KIF1B: variants seen among roughly 807,000 people sequenced by gnomAD.
KIF1B encodes the protein kinesin family member 1B.
In KIF1B, 76 loss-of-function variants were observed where a neutral mutation model predicts 241.9. The ratio of observed to expected loss-of-function variants is 0.31; its 90% confidence interval spans 0.26 to 0.38. The LOEUF (loss-of-function observed/expected upper bound fraction) is 0.38, where lower values mean the gene tolerates loss of function less well. Among genes scored for constraint, KIF1B ranks in the 10% least tolerant of loss-of-function variants. The pLI is 1.00. For synonymous variants in KIF1B, 750 were observed against 796.7 expected (o/e 0.94, Z 0.99); for missense variants, 1,622 against 2,271.4 (o/e 0.71, Z 5.81).
rs559475468 is a variant in KIF1B at position 10,368,794 on chromosome 1, A to G, written c.4824+256A>G. ...AGATGGGAAACATTTTGGCTTTTTCATGACTCCTTTGGAGGAGAATATTCT... is the reference window on the plus strand; with the variant it reads ...AGATGGGAAACATTTTGGCTTTTTCGTGACTCCTTTGGAGGAGAATATTCT... On this transcript the variant is annotated intron_variant, in intron 44 of 48. Coordinates refer to ENST00000676179, the MANE Select transcript of KIF1B (RefSeq NM_001365951.3). Among the ~76,000 whole-genome samples the G allele has an allele frequency of 3.3e-5, 5 of 152,312 alleles. No individual in the cohort carries two copies. In the East Asian group the frequency reaches 5.8e-4, roughly 18 times the overall value.
At chr1:10,323,096 A>G (rs1324738965) in intron 24 of KIF1B, among the ~76,000 whole-genome samples, 1 of 152,066 alleles carries the variant, frequency 6.6e-6, no homozygotes, top group Admixed American at 6.6e-5. Context: ...TCCTGGGCTC[A>G]AGTGATCCTT....
At chr1:10,295,830 A>G in intron 19 of KIF1B, 64 bp downstream of exon 19, 3 of 1,355,052 alleles carry the variant, frequency 2.2e-6, no homozygotes, top group Non-Finnish European at 3.2e-6. Flanking sequence ...GAAATCCTTA[A>G]GACTTTGTAT....
chr1:10,283,419 G>C (rs757534428), intron 15 of KIF1B, among the ~76,000 whole-genome samples: 2 of 152,172 alleles, frequency 1.3e-5, no homozygotes, highest in Non-Finnish European at 2.9e-5. Flanking sequence ...ACTGGCCTAT[G>C]GCTCCCAGCT....
chr1:10,234,616 G>T (rs1442095078), intron 2 of KIF1B, among the ~76,000 whole-genome samples: 1 of 151,734 alleles, frequency 6.6e-6, no homozygotes, highest in African/African-American at 2.4e-5. Context: ...TGACCTTCCA[G>T]GCTCAATCAA....
chr1:10,291,942 A>G lies in KIF1B; in HGVS notation c.1515-105A>G, dbSNP rs1487302825. On this transcript the variant is annotated intron_variant, in intron 16 of 48. Coordinates refer to ENST00000676179, the MANE Select transcript of KIF1B (RefSeq NM_001365951.3). The stretch of plus-strand genomic sequence containing the variant: ...TATGTTTGCATTATTGGCTATAAAC[A>G]TGGCCAGTTGTTTTTGCTTTGCAGG... The G allele has an allele frequency of 2.2e-5, 19 of 870,088 alleles. No individual in the cohort carries two copies. In the East Asian group the frequency reaches 2.2e-4, roughly 10 times the overall value. The allele number at this position is 870,088 out of a possible 1,614,324, so 53.9% of individuals were successfully genotyped here. A position where few individuals can be genotyped will look rare whatever the true frequency, so the allele number is the denominator to read the frequency against.
chr1:10,255,415 C>T (rs935758497), intron 2 of KIF1B, among the ~76,000 whole-genome samples: 6 of 151,912 alleles, frequency 3.9e-5, no homozygotes, highest in African/African-American at 1.4e-4. Flanking sequence ...CATGGTGAAA[C>T]CCTGTCTCTA....
rs775334360 is a variant in KIF1B at position 10,303,167 on chromosome 1, C to T, written c.2115+5921C>T. On this transcript the variant is annotated intron_variant, in intron 22 of 48. Coordinates refer to ENST00000676179, the MANE Select transcript of KIF1B (RefSeq NM_001365951.3). This position sits in a 1 kb window ranked among gnomAD's most constrained non-coding sequence, Gnocchi z 5.2. The stretch of plus-strand genomic sequence containing the variant: ...TTTGATTTTGTTTTTCCAAAGGACG[C>T]GGATTCTGATAGCGGGGACGATTCT... 5.7e-5 allele frequency: 92 copies of T among 1,611,110 alleles called. No individual in the cohort carries two copies. Among genetic ancestry groups the T allele is most frequent in the East Asian group, 4.7e-4 (21 of 44,826 alleles).
intron 10 of KIF1B, among the ~76,000 whole-genome samples, chr1:10,273,727 A>AC (rs1648939356): frequency 7.8e-5 from 7 of 89,782 alleles, no homozygotes; most frequent in African/African-American, 2.1e-4. Context: ...AAAAAAAAAA[A>AC]AAAAAAAAAA....
intron 1 of KIF1B, among the ~76,000 whole-genome samples, chr1:10,230,442 C>CTT (rs59493302): frequency 1.4e-4 from 19 of 140,576 alleles, no homozygotes; most frequent in East Asian, 2.1e-4. Context: ...TTTTTTCTTT[C>CTT]TTTTTTTTTT....
chr1:10,250,996 G>A (rs1273017684), intron 2 of KIF1B, among the ~76,000 whole-genome samples: 1 of 152,004 alleles, frequency 6.6e-6, no homozygotes, highest in Non-Finnish European at 1.5e-5. Flanking sequence ...GTGAAACCCT[G>A]TCTCTAGTAA....
intron 45 of KIF1B, among the ~76,000 whole-genome samples, chr1:10,372,303 G>A (rs1390751174): frequency 6.6e-6 from 1 of 152,078 alleles, no homozygotes; most frequent in African/African-American, 2.4e-5. Flanking sequence ...CAGGGGCTGA[G>A]GTGGGAGGAT....
chr1:10,375,355 T>C lies in KIF1B; in HGVS notation c.5390T>C (p.Leu1797Pro). The change falls in exon 48 of 49, where the codon CTT becomes CCT. Residue 1797 changes from leucine (L) to proline (P), a missense_variant. Coordinates refer to ENST00000676179, the MANE Select transcript of KIF1B (RefSeq NM_001365951.3). The stretch of plus-strand genomic sequence containing the variant: ...GACTGGTTGTATGCCTTCAACCCAC[T>C]TCTAGCTGGCACAATACGGTAAGAA... ...MNDWLYAFNPLLAGTIRSKLS... is the reference protein window; with the variant it reads ...MNDWLYAFNPPLAGTIRSKLS... The C allele has an allele frequency of 6.2e-7, 1 of 1,613,326 alleles. No individual in the cohort carries two copies. Among genetic ancestry groups the C allele is most frequent in the Non-Finnish European group, 8.5e-7 (1 of 1,179,428 alleles).
intron 1 of KIF1B, chr1:10,211,818 G>C (rs889581134): frequency 2.0e-5 from 3 of 152,228 alleles, no homozygotes; most frequent in East Asian, 3.9e-4. Context: ...CAGTGCGGGG[G>C]CTGTGAAAGG....
rs966483004 is a variant in KIF1B, at chr1:10,343,745, C to T, written c.3688+458C>T. Among the ~76,000 whole-genome samples, 10 of 151,760 alleles carry T rather than the reference C, an allele frequency of 6.6e-5. No homozygotes were observed. The East Asian group carries it at 9.7e-4, about 15-fold the overall frequency. The stretch of plus-strand genomic sequence containing the variant: ...TGCACTCCAGCCTGGGCAACAAGAG[C>T]GAAACTCCGTCTCAAAACAATATAA... On this transcript the variant is annotated intron_variant, in intron 34 of 48. Transcript: ENST00000676179.
intron 38 of KIF1B, among the ~76,000 whole-genome samples, chr1:10,360,646 C>G (rs1049234919): frequency 3.4e-5 from 5 of 149,032 alleles, no homozygotes; most frequent in Non-Finnish European, 7.4e-5. Flanking sequence ...GATTGTGCCA[C>G]TGCACTCCAG....
Position 10,332,610 on chromosome 1 carries a change from G to A in KIF1B, c.2925-1910G>A, listed in dbSNP as rs566702028. ...GGCTCACTGCAAGCTCCGCCTCCCG[G>A]GTTCACGCCATTCTCCTGCCTCAGC... On this transcript the variant is annotated intron_variant, in intron 27 of 48. Coordinates refer to ENST00000676179, the MANE Select transcript of KIF1B (RefSeq NM_001365951.3). 5.0e-5 allele frequency among the ~76,000 whole-genome samples: 7 copies of A among 141,392 alleles called. No homozygotes were observed. The South Asian group carries it at 1.6e-3, about 33-fold the overall frequency. The allele number at this position is 141,392 out of a possible 152,430, so 92.8% of individuals were successfully genotyped here. A position where few individuals can be genotyped will look rare whatever the true frequency, so the allele number is the denominator to read the frequency against.
At chr1:10,295,631 C>G (rs560968828) in intron 18 of KIF1B, 29 bp from the exon 19 acceptor site, 1 of 1,594,946 alleles carries the variant, frequency 6.3e-7, no homozygotes, top group South Asian at 1.1e-5. Context: ...GTCTGAATTT[C>G]CCTGGGAAAC....
chr1:10,241,123 G>A (rs1647130907), intron 2 of KIF1B, among the ~76,000 whole-genome samples: 1 of 152,054 alleles, frequency 6.6e-6, no homozygotes, highest in Admixed American at 6.6e-5. Context: ...AGTTTTGTGT[G>A]TGTGTGTGAG....
chr1:10,337,022 A>G lies in KIF1B; in HGVS notation c.3130-52A>G, dbSNP rs71643087. 0.028 allele frequency: 45,554 copies of G among 1,612,832 alleles called. 734 individuals are homozygous for G. Among genetic ancestry groups the G allele is most frequent in the Non-Finnish European group, 0.033 (38,348 of 1,179,368 alleles). On this transcript the variant is annotated intron_variant, in intron 29 of 48. Coordinates refer to ENST00000676179, the MANE Select transcript of KIF1B (RefSeq NM_001365951.3). This position sits in a 1 kb window ranked among gnomAD's most constrained non-coding sequence, Gnocchi z 4.0. ...AAACAGAAGTAAGGCAACTGGGGAA[A>G]AATACGTTTTTATACTACTTTACCA... is the stretch of plus-strand genomic sequence containing the variant.
Sources: gnomAD v4.1 joint callset for allele counts (sites outside exome capture counted in the v4.1 genomes callset) on GRCh38, gnomAD v4.1.1 for gene constraint, Gnocchi (gnomAD v3.1) non-coding constraint, MANE v1.5 for transcripts, NCBI Gene and HGNC (gene_info 2026-07-23, HGNC 2026-07-21) for gene names.